The following ZNF814 variants were observed in gnomAD, a reference collection of about 807,000 sequenced individuals.
ZNF814 encodes zinc finger protein 814.
ZNF814 carries 5 observed loss-of-function variants against 7.5 expected under a neutral mutation model. The ratio of observed to expected loss-of-function variants is 0.67; its 90% confidence interval spans 0.35 to 1.40. ZNF814 has a LOEUF of 1.40. Ranked by LOEUF, ZNF814 falls within the 40% of genes most tolerant of loss-of-function variation. The probability of loss-of-function intolerance (pLI) is 0.04; values close to 1 mark genes in which losing one functional copy is unlikely to be tolerated. For missense variants in ZNF814, 962 were observed against 1,018.0 expected, an observed-to-expected ratio of 0.94 and a Z score of 0.75; for synonymous variants, 315 against 340.7, an observed-to-expected ratio of 0.92 and a Z score of 0.83.
intron 1 of ZNF814, among the ~76,000 whole-genome samples, chr19:57,883,956 C>T (rs2071669281): frequency 6.6e-6 from 1 of 152,034 alleles, no homozygotes; most frequent in African/African-American, 2.4e-5. Context: ...GGGGTTTCCC[C>T]ATGTTGCCCA....
At chr19:57,897,121 G>C in the ZNF814 span, among the ~76,000 whole-genome samples, 1 of 152,158 alleles carries the variant, frequency 6.6e-6, no homozygotes, top group Non-Finnish European at 1.5e-5. Context: ...GCTCCAGGAG[G>C]CTGTGAATAA....
Position 57,872,969 on chromosome 19 carries a change from T to C in ZNF814, c.2421A>G (p.Lys807=). The C allele has an allele frequency of 6.2e-7, 1 of 1,613,934 alleles. No homozygotes were observed. The highest frequency in any genetic ancestry group is 8.5e-7 in the Non-Finnish European group (1 of 1,179,882). ...EKPYECSECG[K]SFAESSSLTK... is the part of the protein sequence containing the mutation. ...TGAGACTGGAGCTTTCAGCAAAAGATTTTCCACATTCACTGCACTCATAAG... is the reference window on the plus strand; with the variant it reads ...TGAGACTGGAGCTTTCAGCAAAAGACTTTCCACATTCACTGCACTCATAAG... The change falls in exon 3 of 3, where the codon AAA becomes AAG. Residue 807 remains lysine, a synonymous_variant. Transcript: ENST00000435989.
At chr19:57,900,984 C>T in the ZNF814 span, among the ~76,000 whole-genome samples, 3 of 151,524 alleles carry the variant, frequency 2.0e-5, no homozygotes, top group Admixed American at 1.3e-4. Flanking sequence ...GTAGCTGGGA[C>T]TACAGGCACC....
chr19:57,876,973 G>A lies in ZNF814; in HGVS notation c.106C>T (p.Gln36Ter), dbSNP rs998822173. 1.9e-6 allele frequency: 3 copies of A among 1,614,012 alleles called. No individual in the cohort carries two copies. The highest frequency in any genetic ancestry group is 2.5e-6 in the Non-Finnish European group (3 of 1,180,018). The change falls in exon 2 of 3, where the codon CAG (glutamine) becomes TAG (stop). Residue 36 changes from glutamine (Q) to a stop codon, truncating the protein, a stop_gained. Coordinates refer to ENST00000435989, the MANE Select transcript of ZNF814 (RefSeq NM_001144989.2). LOFTEE classifies it high-confidence loss of function. ...WEEWNLLSEAQRCLYRDVTLE... is the reference protein window; with the variant it reads ...WEEWNLLSEA ...GTCACATCACGGTACAGGCATCTCT[G>A]AGCCTCACTAAGGAGATTCCATTCC...
intron 1 of ZNF814, among the ~76,000 whole-genome samples, chr19:57,880,613 CT>C (rs796462177): frequency 2.6e-4 from 22 of 84,754 alleles, no homozygotes; most frequent in East Asian, 3.8e-4. Flanking sequence ...TTTTTTTTTT[CT>C]TTTTTTTTTT....
the ZNF814 span, among the ~76,000 whole-genome samples, chr19:57,902,347 G>A: frequency 6.6e-6 from 1 of 152,160 alleles, no homozygotes; most frequent in East Asian, 1.9e-4. Flanking sequence ...TATAAAATAA[G>A]CTGATGGACT....
Position 57,871,065 on chromosome 19 carries a change from C to G in ZNF814, c.*1757G>C, listed in dbSNP as rs936033725. ...TCCACTGCCTATAAATAAAGTAATT[C>G]TATAAAATTATAATTTCACCTGATA... On this transcript the variant is annotated 3_prime_UTR_variant, in exon 3 of 3. Transcript: ENST00000435989. 1 of 152,134 alleles carries G rather than the reference C, an allele frequency of 6.6e-6. No individual in the cohort carries two copies. The highest frequency in any genetic ancestry group is 1.5e-5 in the Non-Finnish European group (1 of 68,028). 9.4% of individuals were successfully genotyped at this position (152,134 alleles called of 1,614,324 possible).
In ZNF814 at chr19:57,872,121, AG is replaced by A. The variant is rs1346877896; in HGVS notation, c.*700del. 6.6e-6 allele frequency among the ~76,000 whole-genome samples: 1 copy of A among 152,174 alleles called. No individual in the cohort carries two copies. ...AACCTGTCTCAAAAAAAATCTAGCA[AG>A]GTACCTGGGTATAGTGAAAAATGCA... On this transcript the variant is annotated 3_prime_UTR_variant, in exon 3 of 3. Transcript: ENST00000435989.
intron 2 of ZNF814, 34 bp downstream of exon 2, chr19:57,876,882 A>C: frequency 6.8e-6 from 11 of 1,612,632 alleles, no homozygotes; most frequent in Non-Finnish European, 9.3e-6. Flanking sequence ...AACAGAGACT[A>C]GCTCAGGTCA....
Position 57,874,732 on chromosome 19 carries a change from T to A in ZNF814, c.658A>T (p.Met220Leu), listed in dbSNP as rs1361117060. The change falls in exon 3 of 3, where the codon ATG becomes TTG. Residue 220 changes from methionine (M) to leucine (L), a missense_variant. Met to Leu is a conservative substitution (Grantham distance 15). This residue lies in a region of ZNF814 where 126 missense variants were observed against 123.5 expected (regional missense o/e 1.02). Coordinates refer to ENST00000435989, the MANE Select transcript of ZNF814 (RefSeq NM_001144989.2). ...ATATGTTTGGTGCTAAAATGTTTCATGGATTCTCCACAGCTGTAGTGAGCT... is the reference window on the plus strand; with the variant it reads ...ATATGTTTGGTGCTAAAATGTTTCAAGGATTCTCCACAGCTGTAGTGAGCT... ...GGAHYSCGESMKHFSTKHILS... is the reference protein window; with the variant it reads ...GGAHYSCGESLKHFSTKHILS... 6.2e-7 allele frequency: 1 copy of A among 1,606,732 alleles called. No individual in the cohort carries two copies. The highest frequency in any genetic ancestry group is 1.1e-5 in the South Asian group (1 of 90,310).
the ZNF814 span, among the ~76,000 whole-genome samples, chr19:57,901,005 C>A: frequency 6.6e-6 from 1 of 151,876 alleles, no homozygotes; most frequent in Non-Finnish European, 1.5e-5. Flanking sequence ...CGCCGCTGCG[C>A]CCGGCTAATT....
upstream of ZNF814, among the ~76,000 whole-genome samples, chr19:57,890,396 T>C (rs981793347): frequency 6.6e-6 from 1 of 152,162 alleles, no homozygotes; most frequent in African/African-American, 2.4e-5. Context: ...TTTGCTCCTG[T>C]TGCCCAGGCT....
At chr19:57,877,214 G>A (rs1424520743) in intron 1 of ZNF814, among the ~76,000 whole-genome samples, 172 bp from the exon 2 acceptor site, 5 of 152,068 alleles carry the variant, frequency 3.3e-5, no homozygotes, top group Admixed American at 1.3e-4. Context: ...GAACAAATAG[G>A]TATCTGTGTG....
intron 2 of ZNF814, chr19:57,876,699 C>T: frequency 6.1e-6 from 4 of 656,752 alleles, no homozygotes; most frequent in Non-Finnish European, 9.5e-6. Context: ...GACTGGGAAT[C>T]CCTCCCTGGG....
rs1278434325 is a variant in ZNF814 at position 57,873,762 on chromosome 19, G to A, written c.1628C>T (p.Thr543Ile). Residue 543 changes from threonine (T) to isoleucine (I), a missense_variant, in exon 3 of 3, where the codon ACT becomes ATT. By Grantham distance (89) the Thr-to-Ile change is moderately conservative. Around this residue, in one of 7 missense-constraint regions of ZNF814, gnomAD observed 665 missense variants for 551.4 expected, o/e 1.21. Coordinates refer to ENST00000435989, the MANE Select transcript of ZNF814 (RefSeq NM_001144989.2). ...TCCACACTCATAAAGTCTGTCCCCA[G>A]TGTGAATTTGCTGATGGTTCCTAAG... ...GHLRNHQQIHTGDRLYECGEC... is the reference protein window; with the variant it reads ...GHLRNHQQIHIGDRLYECGEC... 6.2e-7 allele frequency: 1 copy of A among 1,613,758 alleles called. No homozygotes were observed.
the ZNF814 span, among the ~76,000 whole-genome samples, chr19:57,902,852 A>AT: frequency 6.1e-3 from 912 of 150,686 alleles, 13 homozygotes; most frequent in African/African-American, 0.021. Flanking sequence ...TTATTTATTT[A>AT]TTTTTTTTAG....
At chr19:57,903,287 G>A in the ZNF814 span, among the ~76,000 whole-genome samples, 1 of 152,162 alleles carries the variant, frequency 6.6e-6, no homozygotes, top group African/African-American at 2.4e-5. Context: ...ACACTCATCT[G>A]TGCAAACTGT....
At chr19:57,903,793 A>G in the ZNF814 span, among the ~76,000 whole-genome samples, 27 of 152,258 alleles carry the variant, frequency 1.8e-4, no homozygotes, top group Non-Finnish European at 4.0e-4. Context: ...TCTGGAGAGA[A>G]AGCCGCTGCC....
chr19:57,885,405 TG>T, intron 1 of ZNF814, among the ~76,000 whole-genome samples: 1 of 148,934 alleles, frequency 6.7e-6, no homozygotes, highest in Non-Finnish European at 1.5e-5. Flanking sequence ...CTGAGGTGGG[TG>T]GATCATGAGG....
Sources: gnomAD v4.1 joint callset for allele counts (sites outside exome capture counted in the v4.1 genomes callset) on GRCh38, gnomAD v4.1.1 for gene constraint, gnomAD v4.1.1 regional missense constraint, MANE v1.5 for transcripts, NCBI Gene and HGNC (gene_info 2026-07-23, HGNC 2026-07-21) for gene names.